The following FYN variants were observed in gnomAD, a reference collection of about 807,000 sequenced individuals.
FYN encodes the protein FYN proto-oncogene, Src family tyrosine kinase, also known as tyrosine-protein kinase Fyn.
In FYN, 10 loss-of-function variants were observed where a neutral mutation model predicts 70.2. The observed-to-expected ratio is 0.14, with a 90% CI of 0.09 to 0.24. FYN has a LOEUF of 0.24. Ranked by LOEUF, FYN falls within the 10% of genes least tolerant of loss-of-function variation. The pLI, the probability that FYN is intolerant of heterozygous loss-of-function variation, is 1.00. For missense variants in FYN, 319 were observed against 673.1 expected (o/e 0.47, Z 5.82); for synonymous variants, 236 against 248.6 (o/e 0.95, Z 0.48).
chr6:111,746,092 CAT>C (rs1470868710), intron 3 of FYN, among the ~76,000 whole-genome samples: 1 of 152,184 alleles, frequency 6.6e-6, no homozygotes, highest in Non-Finnish European at 1.5e-5. Context: ...GAAAATAGTT[CAT>C]AAGTGAAAGA....
intron 2 of FYN, among the ~76,000 whole-genome samples, chr6:111,791,142 T>C (rs1453927573): frequency 6.6e-6 from 1 of 152,178 alleles, no homozygotes; most frequent in Admixed American, 6.5e-5. Context: ...GGAAGACTTA[T>C]TCTACCAGAT....
intron 12 of FYN, among the ~76,000 whole-genome samples, chr6:111,693,112 A>C (rs115761649): frequency 0.047 from 7,086 of 152,274 alleles, 484 homozygotes; most frequent in African/African-American, 0.15. Flanking sequence ...CCAGGGTCTT[A>C]GTTTAACATT....
Position 111,694,313 on chromosome 6 carries a change from C to CT in FYN, c.1273+61dup. 6.3e-7 allele frequency: 1 copy of CT among 1,578,432 alleles called. No homozygotes were observed. ...AGGGAAGGGAAGGAGGAAGGAAGGG[C>CT]TGTGCAGTAAGTGACTGTTCTCACA... On this transcript the variant is annotated intron_variant, in intron 12 of 13. Transcript: ENST00000354650. This position sits in a 1 kb window ranked among gnomAD's most constrained non-coding sequence, Gnocchi z 5.0.
intron 3 of FYN, among the ~76,000 whole-genome samples, chr6:111,728,239 T>C (rs540378953): frequency 1.3e-5 from 2 of 152,274 alleles, no homozygotes; most frequent in African/African-American, 2.4e-5. Context: ...TCAGAAAGAA[T>C]TAGAGCACAG....
chr6:111,768,465 G>A (rs9372311), intron 3 of FYN, among the ~76,000 whole-genome samples: 80,601 of 152,080 alleles, frequency 0.53, 22,296 homozygotes, highest in East Asian at 0.86. Context: ...TTATTGAGGT[G>A]TAATTTGTAT....
intron 1 of FYN, among the ~76,000 whole-genome samples, chr6:111,856,572 A>C (rs1773829019): frequency 6.6e-6 from 1 of 152,136 alleles, no homozygotes; most frequent in Admixed American, 6.5e-5. Context: ...TAAGTTTTAA[A>C]AATTTTATTT....
intron 1 of FYN, among the ~76,000 whole-genome samples, chr6:111,867,464 A>G (rs911053382): frequency 5.9e-5 from 8 of 135,388 alleles, no homozygotes; most frequent in Non-Finnish European, 1.1e-4. Flanking sequence ...TCGGGAAAAA[A>G]AAAAAAAAAA....
chr6:111,866,248 AG>A (rs1353488955), intron 1 of FYN, among the ~76,000 whole-genome samples: 1 of 152,234 alleles, frequency 6.6e-6, no homozygotes, highest in Non-Finnish European at 1.5e-5. Flanking sequence ...TTAAAGATGA[AG>A]AAAAGGAGTC....
At chr6:111,771,713 G>A (rs1291129199) in intron 3 of FYN, among the ~76,000 whole-genome samples, 1 of 152,226 alleles carries the variant, frequency 6.6e-6, no homozygotes, top group Admixed American at 6.5e-5. Flanking sequence ...GGTGAGTTCC[G>A]TGTATCTGAA....
intron 12 of FYN, among the ~76,000 whole-genome samples, chr6:111,677,653 T>G (rs1003012270): frequency 6.6e-6 from 1 of 152,216 alleles, no homozygotes; most frequent in South Asian, 2.1e-4. Flanking sequence ...GTTAGGAGAC[T>G]TCAGACACCT....
intron 2 of FYN, among the ~76,000 whole-genome samples, chr6:111,834,288 A>T (rs1054079075): frequency 1.2e-4 from 18 of 151,958 alleles, no homozygotes; most frequent in South Asian, 4.1e-4. Context: ...TTTCTCTCTC[A>T]CACACACACA....
At chr6:111,758,005 T>C (rs1802818409) in intron 3 of FYN, among the ~76,000 whole-genome samples, 2 of 152,232 alleles carry the variant, frequency 1.3e-5, no homozygotes, top group Non-Finnish European at 2.9e-5. Context: ...GAATGTTCTA[T>C]ATTCACGTGG....
At chr6:111,821,081 G>A (rs1772644193) in intron 2 of FYN, among the ~76,000 whole-genome samples, 2 of 152,140 alleles carry the variant, frequency 1.3e-5, no homozygotes, top group African/African-American at 4.8e-5. Flanking sequence ...GAAAGTTCAT[G>A]TAATACTTGA....
intron 3 of FYN, among the ~76,000 whole-genome samples, chr6:111,744,832 A>C (rs1433480918): frequency 6.6e-6 from 1 of 152,162 alleles, no homozygotes; most frequent in African/African-American, 2.4e-5. Context: ...CTAACAATAA[A>C]TATGCTTTTT....
In FYN at chr6:111,793,246, C is replaced by T. The variant is rs923687632; in HGVS notation, c.-81-12611G>A. 2.0e-5 allele frequency among the ~76,000 whole-genome samples: 3 copies of T among 152,066 alleles called. No individual in the cohort carries two copies. In the South Asian group the frequency reaches 6.2e-4, roughly 32 times the overall value. ...ATGTCAGGCCAAAGCTATTTTATTACTATATGTTAGGATGGCATGAAGCAA... is the reference window on the plus strand; with the variant it reads ...ATGTCAGGCCAAAGCTATTTTATTATTATATGTTAGGATGGCATGAAGCAA... On this transcript the variant is annotated intron_variant, in intron 2 of 13. Coordinates refer to ENST00000354650, the MANE Select transcript of FYN (RefSeq NM_002037.5).
At chr6:111,863,314 C>CAATA (rs1774017131) in intron 1 of FYN, among the ~76,000 whole-genome samples, 1 of 152,130 alleles carries the variant, frequency 6.6e-6, no homozygotes, top group South Asian at 2.1e-4. Flanking sequence ...TAGGTACAGG[C>CAATA]AATACATCAC....
At position 111,726,067 on chromosome 6, in the gene FYN, T is replaced by C. The variant is rs1419906666; in HGVS notation, c.-11-6005A>G. Among the ~76,000 whole-genome samples, 6 of 152,338 alleles carry C rather than the reference T, an allele frequency of 3.9e-5. No homozygotes were observed. In the East Asian group the frequency reaches 1.2e-3, roughly 29 times the overall value. On this transcript the variant is annotated intron_variant, in intron 3 of 13. Coordinates refer to ENST00000354650, the MANE Select transcript of FYN (RefSeq NM_002037.5). ...GGCCAGACACATGGGTGGTCAGAGCTGAGAACAGCTCGGTCAAGAACCTGA... is the reference window on the plus strand; with the variant it reads ...GGCCAGACACATGGGTGGTCAGAGCCGAGAACAGCTCGGTCAAGAACCTGA...
At chr6:111,825,286 C>T (rs540907598) in intron 2 of FYN, among the ~76,000 whole-genome samples, 20 of 152,216 alleles carry the variant, frequency 1.3e-4, no homozygotes, top group Non-Finnish European at 2.6e-4. Context: ...TTAATATAAA[C>T]ACCAGACAGC....
At chr6:111,759,658 C>T (rs1279470165) in intron 3 of FYN, among the ~76,000 whole-genome samples, 1 of 152,190 alleles carries the variant, frequency 6.6e-6, no homozygotes, top group Non-Finnish European at 1.5e-5. Context: ...CATTTACTCA[C>T]CCACTCATTC....
Sources: gnomAD v4.1 joint callset for allele counts (sites outside exome capture counted in the v4.1 genomes callset) on GRCh38, gnomAD v4.1.1 for gene constraint, Gnocchi (gnomAD v3.1) non-coding constraint, MANE v1.5 for transcripts, NCBI Gene and HGNC (gene_info 2026-07-23, HGNC 2026-07-21) for gene names.